The following MAP2K5 variants were observed in gnomAD, a reference collection of about 807,000 sequenced individuals.
The protein encoded by MAP2K5 is dual specificity mitogen-activated protein kinase kinase 5.
MAP2K5 carries 49 observed loss-of-function variants against 83.1 expected under a neutral mutation model. That is an observed-to-expected ratio of 0.59 (90% confidence interval 0.47 to 0.75). The LOEUF is 0.75. MAP2K5 is among the 30% of genes least tolerant of loss of function. The pLI is 0.00. For missense variants in MAP2K5, 457 were observed against 557.5 expected (o/e 0.82, Z 1.82); for synonymous variants, 202 against 191.8 (o/e 1.05, Z -0.44).
rs2086609431 is a variant in MAP2K5 at position 67,636,620 on chromosome 15, A to G, written c.585+5693A>G. ...AAAGTAAAGGAATAAGAGAATAGCT[A>G]CTCTGCTTGAGCAGAGCAGCTATGC... On this transcript the variant is annotated intron_variant, in intron 9 of 21. Transcript: ENST00000178640. The surrounding 1 kb of genome is among the most constrained non-coding windows in gnomAD (Gnocchi z 4.7). Among the ~76,000 whole-genome samples the G allele has an allele frequency of 1.3e-5, 2 of 151,720 alleles. No individual in the cohort carries two copies. The highest frequency in any genetic ancestry group is 2.9e-5 in the Non-Finnish European group (2 of 67,974).
chr15:67,569,538 C>T (rs929325246), intron 3 of MAP2K5, among the ~76,000 whole-genome samples: 2 of 152,132 alleles, frequency 1.3e-5, no homozygotes, highest in Admixed American at 1.3e-4. Context: ...TATTTTAATT[C>T]TCTTCTCTGT....
intron 11 of MAP2K5, among the ~76,000 whole-genome samples, chr15:67,656,349 G>A (rs934019398): frequency 1.4e-5 from 2 of 143,828 alleles, no homozygotes; most frequent in East Asian, 2.0e-4. Flanking sequence ...TTTTGAGACA[G>A]GGTCTTACTC....
intron 17 of MAP2K5, among the ~76,000 whole-genome samples, chr15:67,737,173 A>G (rs1056927975): frequency 6.6e-6 from 1 of 152,200 alleles, no homozygotes; most frequent in African/African-American, 2.4e-5. Flanking sequence ...GTCTGCAGAG[A>G]TGAAAATTAC....
In MAP2K5 at chr15:67,690,317, A is replaced by G. The variant is rs575463271; in HGVS notation, c.848-2162A>G. 6.6e-6 allele frequency among the ~76,000 whole-genome samples: 1 copy of G among 152,222 alleles called. No individual in the cohort carries two copies. Among genetic ancestry groups the G allele is most frequent in the Non-Finnish European group, 1.5e-5 (1 of 68,040 alleles). On this transcript the variant is annotated intron_variant, in intron 13 of 21. Coordinates refer to ENST00000178640, the MANE Select transcript of MAP2K5 (RefSeq NM_145160.3). This position sits in a 1 kb window ranked among gnomAD's most constrained non-coding sequence, Gnocchi z 4.3. ...TGTGTTGTGCTAACTACTGGGGCAC[A>G]CTTGAAAGCACAACCCTGTTCTTAA...
chr15:67,547,455 C>CTT lies in MAP2K5; in HGVS notation c.136-2562_136-2561dup, dbSNP rs398057779. 8.6e-4 allele frequency among the ~76,000 whole-genome samples: 111 copies of CTT among 128,720 alleles called. 1 individual carries two copies. Among genetic ancestry groups the CTT allele is most frequent in the East Asian group, 3.4e-3 (15 of 4,474 alleles). 84.4% of individuals were successfully genotyped at this position (128,720 alleles called of 152,430 possible). ...TATGTAAACTTCGGTTTTCTTTTTT[C>CTT]TTTTTTTTTTTTTTTTTTGAGACAG... is the stretch of plus-strand genomic sequence containing the variant. On this transcript the variant is annotated intron_variant, in intron 1 of 21. Coordinates refer to ENST00000178640, the MANE Select transcript of MAP2K5 (RefSeq NM_145160.3).
chr15:67,591,864 CA>C (rs2141012571), intron 6 of MAP2K5, among the ~76,000 whole-genome samples: 1 of 151,976 alleles, frequency 6.6e-6, no homozygotes, highest in South Asian at 2.1e-4. Flanking sequence ...GTAATCCCAG[CA>C]CTTTGGGAGG....
Position 67,772,721 on chromosome 15 carries a change from C to A in MAP2K5, c.1211C>A (p.Pro404Gln). ...CTCCACTATAGTATGCGAAAACAGC[C>A]AAAAGAAAGGCCAGCACCTGAAGAA... The part of the protein sequence containing the change: ...HFITQCMRKQ[P>Q]KERPAPEELM... The change falls in exon 21 of 22, where the codon CCA (proline) becomes CAA (glutamine). Residue 404 changes from proline to glutamine, a missense_variant. Transcript: ENST00000178640. 1 of 1,601,438 alleles carries A rather than the reference C, an allele frequency of 6.2e-7. No homozygotes were observed. Among genetic ancestry groups the A allele is most frequent in the Non-Finnish European group, 8.5e-7 (1 of 1,173,906 alleles).
chr15:67,626,777 G>A (rs1252004221), intron 8 of MAP2K5, among the ~76,000 whole-genome samples: 1 of 151,948 alleles, frequency 6.6e-6, no homozygotes, highest in Non-Finnish European at 1.5e-5. Flanking sequence ...GTATACTCCT[G>A]TAGTACCAGC....
At chr15:67,663,722 A>G (rs188451018) in intron 12 of MAP2K5, among the ~76,000 whole-genome samples, 28 of 152,236 alleles carry the variant, frequency 1.8e-4, no homozygotes, top group Admixed American at 1.8e-3. Flanking sequence ...AAAATATTTT[A>G]AAATTAGCAG....
At chr15:67,683,454 A>G (rs1341832144) in intron 13 of MAP2K5, among the ~76,000 whole-genome samples, 1 of 152,192 alleles carries the variant, frequency 6.6e-6, no homozygotes, top group Non-Finnish European at 1.5e-5. Flanking sequence ...ACAAAAGACA[A>G]AAGCAAACAT....
intron 16 of MAP2K5, among the ~76,000 whole-genome samples, chr15:67,716,611 C>A (rs2088831509): frequency 6.6e-6 from 1 of 152,112 alleles, no homozygotes; most frequent in Admixed American, 6.6e-5. Context: ...TAAAGGGAGA[C>A]TTTAACTTAA....
intron 3 of MAP2K5, among the ~76,000 whole-genome samples, chr15:67,578,583 C>T (rs769091291): frequency 3.9e-5 from 6 of 152,036 alleles, no homozygotes; most frequent in South Asian, 2.1e-4. Context: ...CCTAACTACT[C>T]GCTTTAGAGA....
chr15:67,705,636 T>C (rs2141218578), intron 16 of MAP2K5, among the ~76,000 whole-genome samples: 1 of 152,108 alleles, frequency 6.6e-6, no homozygotes, highest in East Asian at 1.9e-4. Flanking sequence ...CTCGGGAGGC[T>C]GAGGCAGGAG....
chr15:67,659,042 G>T, intron 12 of MAP2K5: 1 of 240,108 alleles, frequency 4.2e-6, no homozygotes, highest in Non-Finnish European at 8.3e-6. Context: ...AAGATTTTTT[G>T]CAGTCTTTTT....
chr15:67,655,313 A>C (rs2087044548), intron 11 of MAP2K5, among the ~76,000 whole-genome samples: 1 of 152,078 alleles, frequency 6.6e-6, no homozygotes, highest in South Asian at 2.1e-4. Flanking sequence ...CTTCATGTGG[A>C]TCTGAGTTAC....
intron 7 of MAP2K5, 69 bp from the exon 8 acceptor site, chr15:67,600,616 A>G: frequency 8.3e-7 from 1 of 1,206,422 alleles, no homozygotes. Flanking sequence ...TATGGCCCAG[A>G]GTTGCTTTTC....
At chr15:67,566,567 G>T (rs2084843563) in intron 3 of MAP2K5, among the ~76,000 whole-genome samples, 1 of 152,070 alleles carries the variant, frequency 6.6e-6, no homozygotes, top group African/African-American at 2.4e-5. Context: ...AAAAATAGAG[G>T]CACTTTTACC....
rs1338496684 is a variant in MAP2K5 at position 67,722,791 on chromosome 15, AC to A, written c.1045-5124del. ...TAAAATGAAGATTTAACTGCAGCGC[AC>A]AATCTAAATGCAAAATCCTTAGATG... On this transcript the variant is annotated intron_variant, in intron 16 of 21. Transcript: ENST00000178640. The surrounding 1 kb of genome is among the most constrained non-coding windows in gnomAD (Gnocchi z 4.2). Among the ~76,000 whole-genome samples the A allele has an allele frequency of 6.6e-6, 1 of 152,226 alleles. No individual in the cohort carries two copies. Among genetic ancestry groups the A allele is most frequent in the Non-Finnish European group, 1.5e-5 (1 of 68,026 alleles).
Position 67,798,156 on chromosome 15 carries a change from T to C in MAP2K5, c.1243-8490T>C, listed in dbSNP as rs76798815. ...CCCCATATTCACAGTGTGGACATGC[T>C]GCAGACTCCACCTTTCAGGGGTGAG... On this transcript the variant is annotated intron_variant, in intron 21 of 21. Transcript: ENST00000178640. Among the ~76,000 whole-genome samples, 598 of 152,334 alleles carry C rather than the reference T, an allele frequency of 3.9e-3. 2 individuals are homozygous for C. The highest frequency in any genetic ancestry group is 6.9e-3 in the Non-Finnish European group (468 of 68,026).
Sources: allele counts gnomAD v4.1 joint callset (sites outside exome capture counted in the v4.1 genomes callset), GRCh38; gene constraint gnomAD v4.1.1; non-coding constraint Gnocchi (gnomAD v3.1); transcripts MANE v1.5; gene names NCBI Gene and HGNC (gene_info 2026-07-23, HGNC 2026-07-21).